Variants in HECTD4 observed in about 807,000 individuals in gnomAD.
The protein encoded by HECTD4 is HECT domain E3 ubiquitin protein ligase 4.
A neutral mutation model predicts 471.5 loss-of-function variants in HECTD4; 114 were observed. The ratio of observed to expected loss-of-function variants is 0.24; its 90% CI spans 0.21 to 0.28. The LOEUF (loss-of-function observed/expected upper bound fraction) is 0.28. Among genes scored for constraint, HECTD4 ranks in the 10% least tolerant of loss-of-function variants. HECTD4 has a pLI of 1.00. For missense variants in HECTD4, 3,866 were observed against 5,651.5 expected, an observed-to-expected ratio of 0.68 and a Z score of 10.13; for synonymous variants, 2,012 against 2,256.0, an observed-to-expected ratio of 0.89 and a Z score of 3.07.
chr12:112,270,597 G>C (rs904415064), intron 11 of HECTD4, 138 bp from the exon 12 acceptor site: 2 of 713,646 alleles, frequency 2.8e-6, no homozygotes, highest in Non-Finnish European at 4.7e-6. Flanking sequence ...TGCTGCCAGA[G>C]AACGCTTCTC....
Position 112,185,241 on chromosome 12 carries a change from GC to G in HECTD4, c.9724del (p.Ala3242ArgfsTer26), listed in dbSNP as rs754540615. On this transcript the variant is annotated frameshift_variant, in exon 61 of 76. Coordinates refer to ENST00000682272, the MANE Select transcript of HECTD4 (RefSeq NM_001388303.1). LOFTEE classifies it high-confidence loss of function. Reference sequence around the variant, plus strand: ...GAACCTGCCCTGGTCACCGGCCGCCGCCCCCCCGGAGCCCCCGCAGGCGCCG... The same window carrying G: ...GAACCTGCCCTGGTCACCGGCCGCCGCCCCCCGGAGCCCCCGCAGGCGCCG... The part of the protein sequence containing the change: ...SGGACGGSGG[A>X]AAGDQGRFST... The G allele has an allele frequency of 6.5e-7, 1 of 1,549,976 alleles. No homozygotes were observed. Among genetic ancestry groups the G allele is most frequent in the Non-Finnish European group, 8.7e-7 (1 of 1,146,554 alleles).
Position 112,193,592 on chromosome 12 carries a change from G to A in HECTD4, c.8832C>T (p.Asp2944=). 3 of 1,613,132 alleles carry A rather than the reference G, an allele frequency of 1.9e-6. No individual in the cohort carries two copies. The highest frequency in any genetic ancestry group is 2.2e-5 in the South Asian group (2 of 90,718). The change falls in exon 57 of 76, where the codon GAC becomes GAT. Residue 2944 remains aspartate, a synonymous_variant. Transcript: ENST00000682272. The surrounding 1 kb of genome is among the most constrained non-coding windows in gnomAD (Gnocchi z 5.2). ...CIHSQNCSAT[D]LFYQGNSQTV... ...TCTGGGAGTTGCCCTGGTAAAAGAG[G>A]TCCGTGGCGGAGCAGTTCTGGGAAT... is the stretch of plus-strand genomic sequence containing the variant.
chr12:112,334,637 CAAAAAAAAAA>C (rs869292531), intron 1 of HECTD4, among the ~76,000 whole-genome samples: 2 of 45,264 alleles, frequency 4.4e-5, no homozygotes, highest in Non-Finnish European at 4.4e-5. Flanking sequence ...ACTAAAAATA[CAAAAAAAAAA>C]AAAAAAAAAA....
At chr12:112,177,622 C>T (rs1045873331) in intron 64 of HECTD4, among the ~76,000 whole-genome samples, 17 of 152,292 alleles carry the variant, frequency 1.1e-4, no homozygotes, top group African/African-American at 2.6e-4. Context: ...CCTTGTGAAC[C>T]GCCCATCTCG....
chr12:112,224,939 A>T (rs2033193293), intron 44 of HECTD4, among the ~76,000 whole-genome samples: 1 of 152,214 alleles, frequency 6.6e-6, no homozygotes, highest in Admixed American at 6.5e-5. Flanking sequence ...CTTCGAATGC[A>T]ATCTAAGCCA....
rs1593990616 is a variant in HECTD4 at position 112,265,505 on chromosome 12, T to C, written c.2499-210A>G. Among the ~76,000 whole-genome samples the C allele has an allele frequency of 3.3e-5, 5 of 152,334 alleles. 1 individual carries two copies. Among genetic ancestry groups the C allele is most frequent in the Admixed American group, 3.3e-4 (5 of 15,296 alleles). ...CACCCAACTACAAAGTCAAAGTATT[T>C]TATAAATAACATATAAAAACAACAC... On this transcript the variant is annotated intron_variant, in intron 15 of 75. Coordinates refer to ENST00000682272, the MANE Select transcript of HECTD4 (RefSeq NM_001388303.1).
chr12:112,373,987 GA>G (rs1447344171), intron 1 of HECTD4, among the ~76,000 whole-genome samples: 2 of 136,614 alleles, frequency 1.5e-5, no homozygotes, highest in African/African-American at 5.6e-5. Context: ...CTAGGTGACA[GA>G]ACGAGACTCT....
At position 112,270,375 on chromosome 12, in the gene HECTD4, G is replaced by A. The variant is rs1326477981; in HGVS notation, c.2027C>T (p.Ala676Val). 14 of 1,614,028 alleles carry A rather than the reference G, an allele frequency of 8.7e-6. No individual in the cohort carries two copies. Among genetic ancestry groups the A allele is most frequent in the Admixed American group, 3.3e-5 (2 of 60,022 alleles). Reference protein sequence around the residue: ...AMCIHQLNLLATNPNLPITSV... With the variant: ...AMCIHQLNLLVTNPNLPITSV... ...TGTGATTGGAAGATTGGGGTTGGTG[G>A]CAAGAAGATTGAGTTGGTGTATGCA... Residue 676 changes from alanine (A) to valine (V), a missense_variant, in exon 12 of 76, where the codon GCC becomes GTC. Physicochemically the swap from Ala to Val is moderately conservative, Grantham distance 64 (BLOSUM62 0). Around this residue, in one of 16 missense-constraint regions of HECTD4, gnomAD observed 525 missense variants for 672.6 expected, o/e 0.78. Transcript: ENST00000682272.
At chr12:112,272,896 T>C (rs1033172099) in intron 11 of HECTD4, among the ~76,000 whole-genome samples, 1 of 152,180 alleles carries the variant, frequency 6.6e-6, no homozygotes, top group Non-Finnish European at 1.5e-5. Context: ...CTTTTCACTA[T>C]CTTCTCCACC....
chr12:112,330,657 G>A (rs1298924949), intron 1 of HECTD4, among the ~76,000 whole-genome samples: 1 of 152,218 alleles, frequency 6.6e-6, no homozygotes, highest in Non-Finnish European at 1.5e-5. Flanking sequence ...TCATACTCAT[G>A]TTTGTGTCCC....
chr12:112,294,016 G>A (rs759562329), intron 7 of HECTD4, among the ~76,000 whole-genome samples: 3 of 152,140 alleles, frequency 2.0e-5, no homozygotes, highest in South Asian at 4.2e-4. Flanking sequence ...CCCCCTGCCT[G>A]AGCCCCCTAA....
Position 112,381,667 on chromosome 12 carries a change from C to A in HECTD4, c.177+285G>T, listed in dbSNP as rs2036892733. Reference sequence around the variant, plus strand: ...GCTCCTCTGGGGCATGAAGGCCGAGCCAGGCGCTAGCCTAATAAAATGCCG... The same window carrying A: ...GCTCCTCTGGGGCATGAAGGCCGAGACAGGCGCTAGCCTAATAAAATGCCG... On this transcript the variant is annotated intron_variant, in intron 1 of 75. Transcript: ENST00000682272. The surrounding 1 kb of genome is among the most constrained non-coding windows in gnomAD (Gnocchi z 4.1). Among the ~76,000 whole-genome samples the A allele has an allele frequency of 6.6e-6, 1 of 152,140 alleles. No individual in the cohort carries two copies. The highest frequency in any genetic ancestry group is 2.4e-5 in the African/African-American group (1 of 41,440).
intron 16 of HECTD4, 90 bp downstream of exon 16, chr12:112,265,085 C>A (rs2034237544): frequency 8.4e-7 from 1 of 1,194,206 alleles, no homozygotes. Flanking sequence ...TATTGTAAGT[C>A]TGTATGTATA....
At chr12:112,208,081 C>A in intron 51 of HECTD4, 81 bp from the exon 52 acceptor site, 1 of 1,481,708 alleles carries the variant, frequency 6.7e-7, no homozygotes, top group Non-Finnish European at 9.1e-7. Context: ...CAGCCCTCAC[C>A]CTGAGGTCTT....
chr12:112,265,794 G>A (rs2034255109), intron 15 of HECTD4, 84 bp downstream of exon 15: 1 of 990,324 alleles, frequency 1.0e-6, no homozygotes, highest in Non-Finnish European at 1.6e-6. Flanking sequence ...TATAACAGGA[G>A]ACTAAAGTTG....
At chr12:112,165,072 C>T (rs2136997069) in intron 72 of HECTD4, among the ~76,000 whole-genome samples, 1 of 151,866 alleles carries the variant, frequency 6.6e-6, no homozygotes, top group East Asian at 1.9e-4. Context: ...AGGCACCCGC[C>T]ACCATGCCTG....
intron 1 of HECTD4, among the ~76,000 whole-genome samples, chr12:112,371,439 G>A (rs2036667088): frequency 6.6e-6 from 1 of 152,084 alleles, no homozygotes; most frequent in Non-Finnish European, 1.5e-5. Context: ...GCTGGGCATG[G>A]TGGCACATGC....
intron 50 of HECTD4, 34 bp from the exon 51 acceptor site, chr12:112,208,664 C>T: frequency 2.7e-6 from 4 of 1,507,898 alleles, no homozygotes; most frequent in Admixed American, 4.6e-5. Context: ...GAATTCTAAA[C>T]AAGAGCAGGC....
Position 112,314,470 on chromosome 12 carries a change from C to T in HECTD4, c.772G>A (p.Asp258Asn). The T allele has an allele frequency of 6.6e-7, 1 of 1,524,224 alleles. No homozygotes were observed. The allele number at this position is 1,524,224 out of a possible 1,614,324, so 94.4% of individuals were successfully genotyped here. Reference protein sequence around the residue: ...QTDLGSLPVADVLYRLLLLEG... With the variant: ...QTDLGSLPVANVLYRLLLLEG... The stretch of plus-strand genomic sequence containing the variant: ...GTGACAACTTACCTATATAGCACAT[C>T]AGCTACAGGCAGGGACCCTAGATCC... Residue 258 changes from aspartate to asparagine, a missense_variant, in exon 3 of 76, where the codon GAT (aspartate) becomes AAT (asparagine). Coordinates refer to ENST00000682272, the MANE Select transcript of HECTD4 (RefSeq NM_001388303.1).
Sources: gnomAD v4.1 joint callset for allele counts (sites outside exome capture counted in the v4.1 genomes callset) on GRCh38, gnomAD v4.1.1 for gene constraint, gnomAD v4.1.1 regional missense constraint, Gnocchi (gnomAD v3.1) non-coding constraint, MANE v1.5 for transcripts, NCBI Gene and HGNC (gene_info 2026-07-23, HGNC 2026-07-21) for gene names.